Variants in PLA2G2C observed in about 807,000 individuals in gnomAD.
PLA2G2C encodes putative inactive group IIC secretory phospholipase A2.
A neutral mutation model predicts 14.3 loss-of-function variants in PLA2G2C; 15 were observed. The ratio of observed to expected loss-of-function variants is 1.05; its 90% confidence interval spans 0.70 to 1.62. The LOEUF is 1.62. PLA2G2C is among the 40% of genes most tolerant of loss of function. The probability of loss-of-function intolerance (pLI) is 0.00; values close to 1 mark genes in which losing one functional copy is unlikely to be tolerated. For synonymous variants in PLA2G2C, 79 were observed against 67.7 expected (o/e 1.17, Z -0.82); for missense variants, 162 against 173.2 (o/e 0.94, Z 0.36).
At chr1:20,179,735 A>AGTGT (rs3035013) in intron 1 of PLA2G2C, among the ~76,000 whole-genome samples, 1,183 of 111,542 alleles carry the variant, frequency 0.011, 7 homozygotes, top group Middle Eastern at 0.032. Flanking sequence ...CCTCTATGTC[A>AGTGT]GTGTGTGTGT....
Position 20,178,074 on chromosome 1 carries a change from G to A in PLA2G2C, c.-76-635C>T, listed in dbSNP as rs1461106586. Among the ~76,000 whole-genome samples the A allele has an allele frequency of 2.6e-5, 4 of 152,258 alleles. No homozygotes were observed. In the East Asian group the frequency reaches 7.7e-4, roughly 29 times the overall value. On this transcript the variant is annotated intron_variant, in intron 1 of 4. Coordinates refer to ENST00000679259, the MANE Select transcript of PLA2G2C (RefSeq NM_001367969.2). The stretch of plus-strand genomic sequence containing the variant: ...TGATCACATAGCTGTCTACTTCACA[G>A]GCCCATTGTGGGACCTGCTGGAATA...
At chr1:20,168,713 T>C (rs1387579971) in intron 4 of PLA2G2C, among the ~76,000 whole-genome samples, 1 of 152,250 alleles carries the variant, frequency 6.6e-6, no homozygotes. Context: ...GGAGTTTCAG[T>C]TGGCTGGAAC....
At chr1:20,179,433 C>CTG (rs527941552) in intron 1 of PLA2G2C, among the ~76,000 whole-genome samples, 4 of 150,606 alleles carry the variant, frequency 2.7e-5, no homozygotes, top group South Asian at 2.1e-4. Flanking sequence ...GTCAGCTTCT[C>CTG]TGTGTGTGTG....
At chr1:20,179,728 CTA>C (rs1386680890) in intron 1 of PLA2G2C, among the ~76,000 whole-genome samples, 1 of 134,106 alleles carries the variant, frequency 7.5e-6, no homozygotes, top group African/African-American at 3.0e-5. Flanking sequence ...GCTTCTCCCT[CTA>C]TGTCAGTGTG....
chr1:20,172,152 C>A (rs573321138), intron 4 of PLA2G2C, among the ~76,000 whole-genome samples: 1 of 152,134 alleles, frequency 6.6e-6, no homozygotes, highest in Non-Finnish European at 1.5e-5. Flanking sequence ...ATGGTGCTCA[C>A]GAAAGACTAC....
intron 4 of PLA2G2C, among the ~76,000 whole-genome samples, chr1:20,165,601 G>T (rs1271827398): frequency 1.3e-5 from 2 of 152,152 alleles, no homozygotes; most frequent in South Asian, 4.1e-4. Flanking sequence ...CACTTTGGCC[G>T]AGTCACCACT....
intron 1 of PLA2G2C, among the ~76,000 whole-genome samples, 174 bp from the exon 2 acceptor site, chr1:20,177,613 G>A (rs1018063257): frequency 6.6e-6 from 1 of 151,822 alleles, no homozygotes; most frequent in Non-Finnish European, 1.5e-5. Flanking sequence ...AAAATAAGAA[G>A]GGTTCCATGG....
chr1:20,163,448 A>G lies in PLA2G2C; in HGVS notation c.*543T>C, dbSNP rs1272459866. The stretch of plus-strand genomic sequence containing the variant: ...AACAGATTCTGCCTCTTGATAAGAA[A>G]AGCTAAGAATGACATCATAAAAACT... On this transcript the variant is annotated 3_prime_UTR_variant, in exon 5 of 5. Coordinates refer to ENST00000679259, the MANE Select transcript of PLA2G2C (RefSeq NM_001367969.2). The G allele has an allele frequency of 7.2e-5, 11 of 152,418 alleles. No homozygotes were observed. Among genetic ancestry groups the G allele is most frequent in the Non-Finnish European group, 1.6e-4 (11 of 68,206 alleles). 9.4% of individuals were successfully genotyped at this position (152,418 alleles called of 1,614,324 possible). A position where few individuals can be genotyped will look rare whatever the true frequency, so the allele number is the denominator to read the frequency against.
intron 1 of PLA2G2C, among the ~76,000 whole-genome samples, chr1:20,182,522 A>G (rs1420846597): frequency 6.6e-6 from 1 of 152,212 alleles, no homozygotes; most frequent in African/African-American, 2.4e-5. Flanking sequence ...TTGCACAATG[A>G]AAAAATCACC....
At chr1:20,178,396 T>A (rs1445582428) in intron 1 of PLA2G2C, among the ~76,000 whole-genome samples, 1 of 152,202 alleles carries the variant, frequency 6.6e-6, no homozygotes, top group East Asian at 1.9e-4. Flanking sequence ...GATTTACACC[T>A]GGTGGCAAAG....
intron 1 of PLA2G2C, among the ~76,000 whole-genome samples, chr1:20,177,745 G>T (rs1345919384): frequency 6.6e-6 from 1 of 151,436 alleles, no homozygotes; most frequent in Non-Finnish European, 1.5e-5. Context: ...TTCCCGAGTT[G>T]GAAAGGCACC....
chr1:20,165,801 GTGTT>G (rs930019432), intron 4 of PLA2G2C, among the ~76,000 whole-genome samples: 9 of 152,072 alleles, frequency 5.9e-5, no homozygotes, highest in South Asian at 2.1e-4. Context: ...CGTGCATTGT[GTGTT>G]TGTGCGTGTG....
At chr1:20,175,711 C>T (rs2018170272) in intron 2 of PLA2G2C, among the ~76,000 whole-genome samples, 1 of 152,032 alleles carries the variant, frequency 6.6e-6, no homozygotes, top group Non-Finnish European at 1.5e-5. Flanking sequence ...TCTGTGATAT[C>T]AAAAAATTGG....
intron 1 of PLA2G2C, among the ~76,000 whole-genome samples, chr1:20,181,179 G>A (rs1236484815): frequency 6.6e-6 from 1 of 152,086 alleles, no homozygotes; most frequent in Non-Finnish European, 1.5e-5. Context: ...CCCTCATTTT[G>A]CAGATAAGGA....
chr1:20,165,148 C>G (rs986504940), intron 4 of PLA2G2C, among the ~76,000 whole-genome samples: 2 of 152,232 alleles, frequency 1.3e-5, no homozygotes, highest in African/African-American at 4.8e-5. Context: ...TCTGGGCACA[C>G]CAGCCTGTTT....
At chr1:20,176,606 G>A (rs750281543) in intron 2 of PLA2G2C, among the ~76,000 whole-genome samples, 6 of 152,212 alleles carry the variant, frequency 3.9e-5, no homozygotes, top group Non-Finnish European at 8.8e-5. Context: ...CTGCAGAGGC[G>A]GTCATCCCTG....
At chr1:20,184,908 C>T (rs1311553856) in intron 1 of PLA2G2C, among the ~76,000 whole-genome samples, 1 of 152,102 alleles carries the variant, frequency 6.6e-6, no homozygotes, top group African/African-American at 2.4e-5. Flanking sequence ...AATCTCAGCA[C>T]TTTGGGAGGC....
chr1:20,182,796 CTG>C (rs954986962), intron 1 of PLA2G2C, among the ~76,000 whole-genome samples: 39 of 152,364 alleles, frequency 2.6e-4, no homozygotes, highest in Admixed American at 2.2e-3. Flanking sequence ...GCTATAGACT[CTG>C]AAATCTAGAA....
chr1:20,172,190 G>C (rs1016121292), intron 4 of PLA2G2C, among the ~76,000 whole-genome samples: 2 of 152,184 alleles, frequency 1.3e-5, no homozygotes, highest in Admixed American at 1.3e-4. Flanking sequence ...TGTGCCTGCT[G>C]TCTAGGCCAG....
Sources: gnomAD v4.1 joint callset for allele counts (sites outside exome capture counted in the v4.1 genomes callset) on GRCh38, gnomAD v4.1.1 for gene constraint, MANE v1.5 for transcripts, NCBI Gene and HGNC (gene_info 2026-07-23, HGNC 2026-07-21) for gene names.